Variants in B3GALT1 observed in about 807,000 individuals in gnomAD.
The protein encoded by B3GALT1 is beta-1,3-galactosyltransferase 1.
In B3GALT1, 10 loss-of-function variants were observed where a neutral mutation model predicts 23.2. The ratio of observed to expected loss-of-function variants is 0.43; its 90% CI spans 0.27 to 0.73. The LOEUF (loss-of-function observed/expected upper bound fraction) is 0.73, where lower values mean the gene tolerates loss of function less well. B3GALT1 is among the 30% of genes least tolerant of loss of function. The pLI is 0.21. For synonymous variants in B3GALT1, 156 were observed against 141.5 expected, an observed-to-expected ratio of 1.10 and a Z score of -0.73; for missense variants, 299 against 405.4, an observed-to-expected ratio of 0.74 and a Z score of 2.25.
At chr2:167,752,344 G>A (rs1314363769) in intron 3 of B3GALT1, among the ~76,000 whole-genome samples, 1 of 152,038 alleles carries the variant, frequency 6.6e-6, no homozygotes, top group African/African-American at 2.4e-5. Flanking sequence ...CAAGAAGTCA[G>A]GAATTGCAGT....
At chr2:167,754,503 A>G (rs567429420) in intron 3 of B3GALT1, among the ~76,000 whole-genome samples, 8 of 152,338 alleles carry the variant, frequency 5.3e-5, no homozygotes, top group African/African-American at 1.9e-4. Flanking sequence ...ACAACCTGCA[A>G]TAGAGTGCAT....
intron 3 of B3GALT1, among the ~76,000 whole-genome samples, chr2:167,686,147 G>C (rs917589461): frequency 1.3e-5 from 2 of 152,114 alleles, no homozygotes; most frequent in Admixed American, 6.5e-5. Flanking sequence ...AGATTAGATA[G>C]TACACTAGGA....
chr2:167,625,710 C>G (rs2105442881), intron 2 of B3GALT1, among the ~76,000 whole-genome samples: 1 of 151,632 alleles, frequency 6.6e-6, no homozygotes, highest in South Asian at 2.1e-4. Context: ...CTGCAATTTA[C>G]TTGTAATTAA....
At chr2:167,480,331 A>G (rs1699544926) in intron 1 of B3GALT1, among the ~76,000 whole-genome samples, 1 of 152,196 alleles carries the variant, frequency 6.6e-6, no homozygotes, top group African/African-American at 2.4e-5. Context: ...AACTCCTCCC[A>G]TGCCTAGCCA....
At chr2:167,639,726 C>T (rs1420127777) in intron 2 of B3GALT1, among the ~76,000 whole-genome samples, 1 of 152,004 alleles carries the variant, frequency 6.6e-6, no homozygotes, top group East Asian at 1.9e-4. Context: ...TTTGGTCTAT[C>T]TGTGTGTAAA....
At chr2:167,738,895 A>G (rs1262773952) in intron 3 of B3GALT1, among the ~76,000 whole-genome samples, 1 of 152,216 alleles carries the variant, frequency 6.6e-6, no homozygotes, top group Non-Finnish European at 1.5e-5. Flanking sequence ...GACATACATT[A>G]TCTTTCCAGG....
At chr2:167,730,068 C>T (rs892433716) in intron 3 of B3GALT1, among the ~76,000 whole-genome samples, 15 of 152,148 alleles carry the variant, frequency 9.9e-5, no homozygotes, top group African/African-American at 3.6e-4. Flanking sequence ...GAAAGGAGTC[C>T]ATTGTCTCTT....
At chr2:167,835,415 G>T (rs1312921650) in intron 4 of B3GALT1, among the ~76,000 whole-genome samples, 1 of 152,234 alleles carries the variant, frequency 6.6e-6, no homozygotes, top group Admixed American at 6.5e-5. Flanking sequence ...TATGCCCACG[G>T]AGTCTCGCTG....
At chr2:167,457,299 C>T (rs1357937657) in intron 1 of B3GALT1, among the ~76,000 whole-genome samples, 5 of 151,858 alleles carry the variant, frequency 3.3e-5, no homozygotes, top group African/African-American at 9.7e-5. Flanking sequence ...CAGCCTCCCA[C>T]GTAGCTGGGA....
chr2:167,393,409 G>A (rs548277104), intron 1 of B3GALT1, among the ~76,000 whole-genome samples: 1 of 151,954 alleles, frequency 6.6e-6, no homozygotes, highest in South Asian at 2.1e-4. Flanking sequence ...TAAGAGGAGG[G>A]ATTCTGGGGT....
At chr2:167,483,969 G>A (rs1033543327) in intron 1 of B3GALT1, among the ~76,000 whole-genome samples, 2 of 152,128 alleles carry the variant, frequency 1.3e-5, no homozygotes, top group African/African-American at 4.8e-5. Flanking sequence ...CATCTTCAAT[G>A]GAGCTATCTC....
At chr2:167,595,752 T>C (rs1290843053) in intron 2 of B3GALT1, among the ~76,000 whole-genome samples, 2 of 152,342 alleles carry the variant, frequency 1.3e-5, no homozygotes, top group East Asian at 3.9e-4. Flanking sequence ...AATTAAAATA[T>C]GGGCTTTTAT....
intron 2 of B3GALT1, among the ~76,000 whole-genome samples, chr2:167,490,590 A>G (rs11904438): frequency 0.032 from 4,811 of 152,336 alleles, 122 homozygotes; most frequent in African/African-American, 0.073. Flanking sequence ...CATGACACAC[A>G]TGGAAAATGG....
chr2:167,485,076 C>T (rs1337281740), intron 1 of B3GALT1, among the ~76,000 whole-genome samples: 1 of 152,088 alleles, frequency 6.6e-6, no homozygotes, highest in East Asian at 1.9e-4. Context: ...GTCCAACCCC[C>T]ACTTCCCATC....
At chr2:167,793,566 C>CA (rs1177039887) in intron 3 of B3GALT1, among the ~76,000 whole-genome samples, 3 of 152,116 alleles carry the variant, frequency 2.0e-5, no homozygotes, top group Admixed American at 1.3e-4. Flanking sequence ...TCCACATTTC[C>CA]AATTGTGTAG....
At chr2:167,473,291 GT>G (rs1228305297) in intron 1 of B3GALT1, among the ~76,000 whole-genome samples, 3 of 152,080 alleles carry the variant, frequency 2.0e-5, no homozygotes, top group African/African-American at 7.2e-5. Flanking sequence ...TCTTACAAGG[GT>G]TACTTAAGAA....
chr2:167,556,078 G>A (rs1683843996), intron 2 of B3GALT1, among the ~76,000 whole-genome samples: 1 of 152,106 alleles, frequency 6.6e-6, no homozygotes, highest in Non-Finnish European at 1.5e-5. Flanking sequence ...ACTGACTTGT[G>A]AATTGCTCTT....
chr2:167,700,582 CA>C lies in B3GALT1; in HGVS notation c.-352+53619del, dbSNP rs1353202460. ...TTAGTATGATAGAAATGTATGTCTT[CA>C]AAGAGAAACAGAGGGAATAAATTAA... On this transcript the variant is annotated intron_variant, in intron 3 of 4. Coordinates refer to ENST00000392690, the MANE Select transcript of B3GALT1 (RefSeq NM_020981.4). Among the ~76,000 whole-genome samples, 4 of 152,138 alleles carry C rather than the reference CA, an allele frequency of 2.6e-5. No individual in the cohort carries two copies. In the East Asian group the frequency reaches 7.7e-4, roughly 29 times the overall value.
At chr2:167,495,339 T>TC (rs1699767932) in intron 2 of B3GALT1, among the ~76,000 whole-genome samples, 1 of 146,874 alleles carries the variant, frequency 6.8e-6, no homozygotes, top group Admixed American at 6.8e-5. Context: ...TTTTTTTTTT[T>TC]TTTTTTTTTT....
Sources: gnomAD v4.1 joint callset for allele counts (sites outside exome capture counted in the v4.1 genomes callset) on GRCh38, gnomAD v4.1.1 for gene constraint, MANE v1.5 for transcripts, NCBI Gene and HGNC (gene_info 2026-07-23, HGNC 2026-07-21) for gene names.